Variants in RAB27A observed in about 807,000 individuals in gnomAD.
The protein encoded by RAB27A is ras-related protein Rab-27A.
A neutral mutation model predicts 20.8 loss-of-function variants in RAB27A; 17 were observed. The observed-to-expected ratio is 0.82, with a 90% CI of 0.56 to 1.23. The LOEUF (loss-of-function observed/expected upper bound fraction) is 1.23, where lower values mean the gene tolerates loss of function less well. RAB27A is among the 50% of genes most tolerant of loss of function. The pLI, the probability that RAB27A is intolerant of heterozygous loss-of-function variation, is 0.00. For synonymous variants in RAB27A, 85 were observed against 92.8 expected, an observed-to-expected ratio of 0.92 and a Z score of 0.48; for missense variants, 277 against 266.7, an observed-to-expected ratio of 1.04 and a Z score of -0.27.
chr15:55,267,457 C>T (rs927451368), intron 2 of RAB27A, among the ~76,000 whole-genome samples: 1 of 152,218 alleles, frequency 6.6e-6, no homozygotes, highest in African/African-American at 2.4e-5. Flanking sequence ...CTACCTGCCC[C>T]CCAGCCTACA....
At chr15:55,307,061 G>A (rs1222706009) in intron 2 of RAB27A, among the ~76,000 whole-genome samples, 1 of 152,000 alleles carries the variant, frequency 6.6e-6, no homozygotes, top group Admixed American at 6.6e-5. Flanking sequence ...CACTTTAACC[G>A]CAGTTGGGAT....
chr15:55,227,677 A>G (rs1423068841), intron 5 of RAB27A, among the ~76,000 whole-genome samples: 1 of 152,184 alleles, frequency 6.6e-6, no homozygotes, highest in Admixed American at 6.5e-5. Context: ...ACTGACCCGA[A>G]TCTTTGCCCA....
At chr15:55,309,880 A>G (rs1339914574) in intron 2 of RAB27A, among the ~76,000 whole-genome samples, 3 of 152,008 alleles carry the variant, frequency 2.0e-5, no homozygotes, top group African/African-American at 7.3e-5. Flanking sequence ...TTAGGTCCTT[A>G]ACAATTTTTT....
chr15:55,214,985 T>C (rs1895210049), intron 6 of RAB27A, among the ~76,000 whole-genome samples: 1 of 152,206 alleles, frequency 6.6e-6, no homozygotes, highest in Admixed American at 6.5e-5. Context: ...GAACATTTCT[T>C]ATACTTAAGG....
chr15:55,241,434 T>G (rs574731629), intron 2 of RAB27A, among the ~76,000 whole-genome samples: 1 of 151,766 alleles, frequency 6.6e-6, no homozygotes, highest in Non-Finnish European at 1.5e-5. Context: ...TTCCTCAACA[T>G]GTACTATGTG....
At chr15:55,229,583 G>C (rs1595694497) in intron 4 of RAB27A, among the ~76,000 whole-genome samples, 1 of 151,878 alleles carries the variant, frequency 6.6e-6, no homozygotes, top group East Asian at 1.9e-4. Flanking sequence ...GCTGAGGCAG[G>C]AGAATCACTT....
rs1316745675 is a variant in RAB27A at position 55,223,891 on chromosome 15, A to T, written c.465T>A (p.Tyr155Ter). 1 of 1,613,500 alleles carries T rather than the reference A, an allele frequency of 6.2e-7. No homozygotes were observed. The stretch of plus-strand genomic sequence containing the variant: ...GACTTCTCCACAAAAATACTCACCC[A>T]TATTTCTCTGCGAGTGCTATGGCTT... ...EEEAIALAEK[Y>*]GIPYFETSAA... Residue 155 changes from tyrosine to a stop codon, truncating the protein, a stop_gained and splice_region_variant, in exon 6 of 7, where the codon TAT becomes TAA. Transcript: ENST00000336787. LOFTEE classifies it high-confidence loss of function.
chr15:55,205,390 G>A lies in RAB27A; in HGVS notation c.*117C>T. On this transcript the variant is annotated 3_prime_UTR_variant, in exon 7 of 7. Transcript: ENST00000336787. ...ATGCTTTATTCGTAGGTCTAATGGG[G>A]ATGGTGAGAAGCAATTTGTACACAA... The A allele has an allele frequency of 1.9e-6, 2 of 1,038,074 alleles. No homozygotes were observed. 64.3% of individuals were successfully genotyped at this position (1,038,074 alleles called of 1,614,324 possible). A position where few individuals can be genotyped will look rare whatever the true frequency, so the allele number is the denominator to read the frequency against.
chr15:55,287,389 T>C (rs1334691002), intron 1 of RAB27A, among the ~76,000 whole-genome samples: 3 of 152,190 alleles, frequency 2.0e-5, no homozygotes, highest in Non-Finnish European at 4.4e-5. Flanking sequence ...AGATTGTTGC[T>C]CACTTTAAAA....
At chr15:55,266,269 A>G (rs1393124845) in intron 2 of RAB27A, among the ~76,000 whole-genome samples, 1 of 152,240 alleles carries the variant, frequency 6.6e-6, no homozygotes, top group Non-Finnish European at 1.5e-5. Context: ...AGCTCTCACC[A>G]AAATCTGAGC....
chr15:55,298,763 G>A (rs977694755), intron 2 of RAB27A, among the ~76,000 whole-genome samples: 67 of 152,290 alleles, frequency 4.4e-4, no homozygotes, highest in African/African-American at 1.1e-3. Flanking sequence ...CAGGGGGGCC[G>A]TCTATAGACC....
intron 2 of RAB27A, among the ~76,000 whole-genome samples, chr15:55,266,133 G>A (rs1409295137): frequency 6.6e-6 from 1 of 152,242 alleles, no homozygotes; most frequent in African/African-American, 2.4e-5. Flanking sequence ...TCTTTGGGAA[G>A]TAATTAGGTT....
At chr15:55,311,874 A>G (rs2055022225) in intron 2 of RAB27A, among the ~76,000 whole-genome samples, 1 of 152,148 alleles carries the variant, frequency 6.6e-6, no homozygotes, top group South Asian at 2.1e-4. Flanking sequence ...CGTGGTCACC[A>G]AATGTTACTG....
intron 1 of RAB27A, among the ~76,000 whole-genome samples, chr15:55,276,216 A>G (rs566573384): frequency 1.1e-3 from 174 of 152,278 alleles, no homozygotes; most frequent in Middle Eastern, 3.4e-3. Context: ...AACAACCTCA[A>G]TGTCCACTGA....
chr15:55,319,022 C>A, exon 1 of RAB27A: 1 of 529,074 alleles, frequency 1.9e-6, no homozygotes, highest in Non-Finnish European at 3.3e-6. Context: ...TTTTCGGACC[C>A]CCGAGCACAG....
chr15:55,239,740 T>A (rs2141003721), intron 2 of RAB27A, among the ~76,000 whole-genome samples: 1 of 152,306 alleles, frequency 6.6e-6, no homozygotes, highest in South Asian at 2.1e-4. Context: ...TCAAAACTGA[T>A]CACGCTGACC....
At chr15:55,297,568 C>T (rs1234246319) in intron 2 of RAB27A, among the ~76,000 whole-genome samples, 1 of 152,244 alleles carries the variant, frequency 6.6e-6, no homozygotes, top group East Asian at 1.9e-4. Flanking sequence ...GGCCTCTTAC[C>T]AGTGCCATCC....
intron 6 of RAB27A, among the ~76,000 whole-genome samples, chr15:55,216,492 A>G (rs1226036507): frequency 6.6e-6 from 1 of 152,208 alleles, no homozygotes; most frequent in Non-Finnish European, 1.5e-5. Context: ...AGGCGGTGCT[A>G]CTGCACTCCA....
intron 5 of RAB27A, among the ~76,000 whole-genome samples, chr15:55,224,925 G>C (rs1214885588): frequency 6.6e-6 from 1 of 152,156 alleles, no homozygotes; most frequent in African/African-American, 2.4e-5. Flanking sequence ...AGAAAGTCAA[G>C]TAGGCAGGTG....
Sources: gnomAD v4.1 joint callset for allele counts (sites outside exome capture counted in the v4.1 genomes callset) on GRCh38, gnomAD v4.1.1 for gene constraint, MANE v1.5 for transcripts, NCBI Gene and HGNC (gene_info 2026-07-23, HGNC 2026-07-21) for gene names.